SNTG1: variants seen among roughly 807,000 people sequenced by gnomAD.
SNTG1 encodes the protein syntrophin gamma 1.
Under a neutral mutation model 74.7 loss-of-function variants are expected in SNTG1, and 39 were observed. The ratio of observed to expected loss-of-function variants is 0.52; its 90% CI spans 0.40 to 0.68. The LOEUF (loss-of-function observed/expected upper bound fraction) is 0.68, where lower values mean the gene tolerates loss of function less well. Ranked by LOEUF, SNTG1 falls within the 30% of genes least tolerant of loss-of-function variation. The pLI, the probability that SNTG1 is intolerant of heterozygous loss-of-function variation, is 0.00. For synonymous variants in SNTG1, 254 were observed against 217.1 expected (o/e 1.17, Z -1.49); for missense variants, 685 against 609.5 (o/e 1.12, Z -1.30).
At chr8:50,669,186 T>A (rs190188948) in intron 15 of SNTG1, among the ~76,000 whole-genome samples, 6 of 150,316 alleles carry the variant, frequency 4.0e-5, no homozygotes, top group Admixed American at 3.3e-4. Flanking sequence ...ATAACTAAAA[T>A]CAGAGCAGAA....
chr8:49,979,304 C>G (rs1414969880), intron 1 of SNTG1, among the ~76,000 whole-genome samples: 4 of 152,154 alleles, frequency 2.6e-5, no homozygotes, highest in Non-Finnish European at 5.9e-5. Context: ...CCCCGCGCCA[C>G]GACAGCCCAG....
intron 18 of SNTG1, among the ~76,000 whole-genome samples, chr8:50,788,338 T>A (rs189196171): frequency 3.1e-4 from 47 of 152,146 alleles, no homozygotes; most frequent in African/African-American, 1.1e-3. Context: ...AGTTTCAATA[T>A]TTTTTTGTCC....
At chr8:50,068,632 T>A (rs1418247509) in intron 1 of SNTG1, among the ~76,000 whole-genome samples, 2 of 152,222 alleles carry the variant, frequency 1.3e-5, no homozygotes, top group Non-Finnish European at 2.9e-5. Context: ...TTTATCTCGC[T>A]TATTTTCTAC....
intron 1 of SNTG1, among the ~76,000 whole-genome samples, chr8:50,118,101 TA>T (rs1296067637): frequency 1.3e-5 from 2 of 152,096 alleles, no homozygotes; most frequent in Admixed American, 6.6e-5. Flanking sequence ...TATTTGATAA[TA>T]AAAAATAAGG....
At chr8:49,964,665 T>A (rs997491789) in intron 1 of SNTG1, among the ~76,000 whole-genome samples, 1 of 152,232 alleles carries the variant, frequency 6.6e-6, no homozygotes, top group African/African-American at 2.4e-5. Context: ...CTACTCACTT[T>A]CACCTTGTTT....
intron 17 of SNTG1, among the ~76,000 whole-genome samples, chr8:50,750,634 GCAGCACCCTCCAC>G (rs1400258452): frequency 2.6e-5 from 4 of 151,968 alleles, no homozygotes; most frequent in Non-Finnish European, 5.9e-5. Context: ...CAGCATCAAG[GCAGCACCCTCCAC>G]CAGCAAAAGG....
chr8:50,673,149 T>A (rs550333417), intron 15 of SNTG1, among the ~76,000 whole-genome samples: 1 of 152,198 alleles, frequency 6.6e-6, no homozygotes, highest in Non-Finnish European at 1.5e-5. Context: ...AGGATTGTCT[T>A]GGCTATAGAG....
chr8:49,955,354 C>G (rs1810058776), intron 1 of SNTG1, among the ~76,000 whole-genome samples: 1 of 152,188 alleles, frequency 6.6e-6, no homozygotes, highest in Non-Finnish European at 1.5e-5. Context: ...TCCCTGCTGG[C>G]TCGATGGCAG....
chr8:50,308,644 A>G (rs983641232), intron 2 of SNTG1, among the ~76,000 whole-genome samples: 3 of 152,152 alleles, frequency 2.0e-5, no homozygotes, highest in Non-Finnish European at 2.9e-5. Context: ...TCAGCTGGGT[A>G]GAGCACACTA....
In SNTG1 at chr8:50,253,419, G is replaced by A. The variant is rs568996482; in HGVS notation, c.-28+80784G>A. On this transcript the variant is annotated intron_variant, in intron 2 of 18. Coordinates refer to ENST00000642720, the MANE Select transcript of SNTG1 (RefSeq NM_018967.5). ...GCCTGTGCAACAAGAGTAAAACTCC[G>A]TCTTAAATAAATAAATAAATAAATA... Among the ~76,000 whole-genome samples, 97 of 67,508 alleles carry A rather than the reference G, an allele frequency of 1.4e-3. 1 individual carries two copies. The highest frequency in any genetic ancestry group is 0.014 in the South Asian group (20 of 1,414). 44.3% of individuals were successfully genotyped at this position (67,508 alleles called of 152,430 possible).
intron 2 of SNTG1, among the ~76,000 whole-genome samples, chr8:50,266,123 A>G (rs2087452893): frequency 6.6e-6 from 1 of 151,956 alleles, no homozygotes; most frequent in African/African-American, 2.4e-5. Context: ...GACCTAGAAT[A>G]CCCAAAACAA....
intron 1 of SNTG1, among the ~76,000 whole-genome samples, chr8:50,132,860 TC>T (rs1459003685): frequency 6.6e-6 from 1 of 152,172 alleles, no homozygotes; most frequent in African/African-American, 2.4e-5. Flanking sequence ...CACAGATCAT[TC>T]CTGGATAACT....
intron 1 of SNTG1, among the ~76,000 whole-genome samples, chr8:50,154,366 C>G (rs2082181229): frequency 6.6e-6 from 1 of 152,032 alleles, no homozygotes. Context: ...TTCCCTGACC[C>G]CTTGCACTTC....
At chr8:50,537,765 G>A (rs994690599) in intron 11 of SNTG1, among the ~76,000 whole-genome samples, 30 of 152,038 alleles carry the variant, frequency 2.0e-4, no homozygotes, top group African/African-American at 6.8e-4. Context: ...TGCTTTGCAG[G>A]CCTTAATGTC....
chr8:50,129,175 A>G (rs575874408), intron 1 of SNTG1, among the ~76,000 whole-genome samples: 36 of 152,302 alleles, frequency 2.4e-4, no homozygotes, highest in Non-Finnish European at 4.0e-4. Flanking sequence ...TACTAAAGAC[A>G]TAAGAATGAA....
chr8:50,348,447 G>A (rs1231028882), intron 2 of SNTG1, among the ~76,000 whole-genome samples: 1 of 152,120 alleles, frequency 6.6e-6, no homozygotes, highest in African/African-American at 2.4e-5. Context: ...TCTCTTACAT[G>A]TGAATAGAGA....
intron 1 of SNTG1, chr8:50,164,288 A>G (rs987022584): frequency 6.6e-6 from 1 of 152,084 alleles, no homozygotes; most frequent in African/African-American, 2.4e-5. Flanking sequence ...ATGCACAGTT[A>G]CAAAGAACTT....
intron 8 of SNTG1, among the ~76,000 whole-genome samples, chr8:50,468,690 T>C (rs191761805): frequency 6.6e-6 from 1 of 152,320 alleles, no homozygotes; most frequent in Admixed American, 6.5e-5. Context: ...TTTATTGCTT[T>C]GGTTCTTTGT....
intron 1 of SNTG1, among the ~76,000 whole-genome samples, chr8:49,969,815 G>C (rs865875945): frequency 3.9e-5 from 6 of 152,010 alleles, no homozygotes; most frequent in Admixed American, 1.3e-4. Flanking sequence ...TATGTTCCAA[G>C]TTACAGAATT....
Sources: gnomAD v4.1 joint callset for allele counts (sites outside exome capture counted in the v4.1 genomes callset) on GRCh38, gnomAD v4.1.1 for gene constraint, MANE v1.5 for transcripts, NCBI Gene and HGNC (gene_info 2026-07-23, HGNC 2026-07-21) for gene names.